CSMD3: variants seen among roughly 807,000 people sequenced by gnomAD.
The protein encoded by CSMD3 is CUB and Sushi multiple domains 3.
A neutral mutation model predicts 435.2 loss-of-function variants in CSMD3; 177 were observed. The observed-to-expected ratio is 0.41, with a 90% CI of 0.36 to 0.46. The LOEUF is 0.46. Among genes scored for constraint, CSMD3 ranks in the 20% least tolerant of loss-of-function variants. The probability of loss-of-function intolerance (pLI) is 0.34; values close to 1 mark genes in which losing one functional copy is unlikely to be tolerated. For synonymous variants in CSMD3, 1,656 were observed against 1,520.5 expected (o/e 1.09, Z -2.07); for missense variants, 4,265 against 4,504.6 (o/e 0.95, Z 1.52).
At chr8:112,518,690 T>C (rs933736825) in intron 27 of CSMD3, among the ~76,000 whole-genome samples, 1 of 151,602 alleles carries the variant, frequency 6.6e-6, no homozygotes, top group Non-Finnish European at 1.5e-5. Context: ...CTTGATTTGC[T>C]CTGGAATGGT....
chr8:113,051,581 T>C (rs371037322), intron 5 of CSMD3, among the ~76,000 whole-genome samples: 4 of 152,294 alleles, frequency 2.6e-5, no homozygotes, highest in African/African-American at 9.6e-5. Flanking sequence ...TACAAACAGA[T>C]ATTTGTTGAC....
intron 5 of CSMD3, among the ~76,000 whole-genome samples, chr8:113,024,919 C>T (rs916854602): frequency 1.3e-5 from 2 of 152,178 alleles, no homozygotes; most frequent in Non-Finnish European, 2.9e-5. Flanking sequence ...TCTATCATTC[C>T]ACGCTCTACC....
chr8:112,882,828 A>G (rs1273818167), intron 10 of CSMD3, among the ~76,000 whole-genome samples: 4 of 152,058 alleles, frequency 2.6e-5, no homozygotes, highest in African/African-American at 7.2e-5. Context: ...TGATGCCCAT[A>G]AACAGGTTAA....
chr8:112,866,110 G>C (rs2080974921), intron 10 of CSMD3, among the ~76,000 whole-genome samples: 1 of 152,146 alleles, frequency 6.6e-6, no homozygotes, highest in Non-Finnish European at 1.5e-5. Flanking sequence ...GGAACATTTT[G>C]TTGATGGTAT....
chr8:112,721,302 T>C (rs374938972), intron 13 of CSMD3, among the ~76,000 whole-genome samples: 23 of 152,196 alleles, frequency 1.5e-4, no homozygotes, highest in African/African-American at 5.5e-4. Context: ...TGGCCGGGCA[T>C]GGTGGCTCAT....
chr8:113,410,085 A>G lies in CSMD3; in HGVS notation c.178+26592T>C, dbSNP rs2094551189. ...CACAGATGATATTTTCTTCTAGTCC[A>G]TGTATGATAAATAAATTATCTCTCA... On this transcript the variant is annotated intron_variant, in intron 1 of 70. Transcript: ENST00000297405. Among the ~76,000 whole-genome samples the G allele has an allele frequency of 2.0e-5, 3 of 152,246 alleles. No homozygotes were observed. In the South Asian group the frequency reaches 6.2e-4, roughly 32 times the overall value.
chr8:112,489,473 C>T (rs1312078537), intron 31 of CSMD3, among the ~76,000 whole-genome samples: 1 of 152,004 alleles, frequency 6.6e-6, no homozygotes, highest in African/African-American at 2.4e-5. Context: ...TCAGCCAGTC[C>T]TGTGTATAAG....
chr8:112,355,929 C>A (rs536270073), intron 38 of CSMD3, among the ~76,000 whole-genome samples: 1 of 152,086 alleles, frequency 6.6e-6, no homozygotes, highest in African/African-American at 2.4e-5. Flanking sequence ...CAAACATGAA[C>A]AAATGCTCAA....
intron 9 of CSMD3, among the ~76,000 whole-genome samples, chr8:112,932,183 A>C (rs984152937): frequency 3.3e-5 from 5 of 152,228 alleles, no homozygotes; most frequent in African/African-American, 9.6e-5. Context: ...CTGAGATATG[A>C]AATCAATCTA....
At chr8:112,337,242 T>C (rs528422186) in intron 43 of CSMD3, among the ~76,000 whole-genome samples, 1 of 152,162 alleles carries the variant, frequency 6.6e-6, no homozygotes, top group Non-Finnish European at 1.5e-5. Flanking sequence ...TAGTGGTTTA[T>C]GTAAGAATGA....
intron 37 of CSMD3, 71 bp downstream of exon 37, chr8:112,383,492 TGTAG>T (rs1829660233): frequency 7.3e-6 from 6 of 818,764 alleles, no homozygotes; most frequent in Non-Finnish European, 1.1e-5. Flanking sequence ...AAGTAAGAGT[TGTAG>T]ATAGCTCTTT....
intron 1 of CSMD3, among the ~76,000 whole-genome samples, chr8:113,320,717 T>C (rs1437527028): frequency 6.6e-6 from 1 of 152,138 alleles, no homozygotes; most frequent in Non-Finnish European, 1.5e-5. Flanking sequence ...GTTTCCATGA[T>C]GATGCCCTGC....
intron 3 of CSMD3, among the ~76,000 whole-genome samples, chr8:113,265,129 T>C (rs914439765): frequency 1.3e-5 from 2 of 151,612 alleles, no homozygotes; most frequent in African/African-American, 4.8e-5. Flanking sequence ...CATTTTAATA[T>C]GCATGCTAGA....
In CSMD3 at chr8:112,295,911, C is replaced by G. The variant is rs2130715069; in HGVS notation, c.8536G>C (p.Gly2846Arg). ...ACTGAAGAACCAATCAATCGAAAAC[C>G]AGGATTACATTGATATACAACTGTG... ...RDTVVYQCNP[G>R]FRLIGSSVRI... Residue 2846 changes from glycine (G) to arginine (R), a missense_variant, in exon 54 of 71, where the codon GGT becomes CGT. Coordinates refer to ENST00000297405, the MANE Select transcript of CSMD3 (RefSeq NM_198123.2). 6.2e-7 allele frequency: 1 copy of G among 1,613,794 alleles called. No individual in the cohort carries two copies. Among genetic ancestry groups the G allele is most frequent in the Non-Finnish European group, 8.5e-7 (1 of 1,179,814 alleles).
At chr8:113,261,052 T>C (rs755047853) in intron 3 of CSMD3, among the ~76,000 whole-genome samples, 5 of 152,160 alleles carry the variant, frequency 3.3e-5, no homozygotes, top group Non-Finnish European at 7.3e-5. Flanking sequence ...CATGTGTCTT[T>C]ACAGTGGAAT....
At chr8:113,382,853 G>T (rs530966448) in intron 1 of CSMD3, among the ~76,000 whole-genome samples, 1 of 151,980 alleles carries the variant, frequency 6.6e-6, no homozygotes, top group African/African-American at 2.4e-5. Flanking sequence ...TGGTGGACCA[G>T]TCCTGTAATC....
chr8:113,358,856 G>A (rs1053857172), intron 1 of CSMD3, among the ~76,000 whole-genome samples: 11 of 151,722 alleles, frequency 7.3e-5, no homozygotes, highest in African/African-American at 2.7e-4. Flanking sequence ...AGTAGCTCTG[G>A]ATTCAATTTC....
chr8:112,594,468 C>A (rs1004780261), intron 22 of CSMD3, among the ~76,000 whole-genome samples: 1 of 152,308 alleles, frequency 6.6e-6, no homozygotes, highest in Non-Finnish European at 1.5e-5. Flanking sequence ...CCCAGGCTTG[C>A]TTAGGTAAAC....
rs1274285720 is a variant in CSMD3 at position 112,492,517 on chromosome 8, T to C, written c.5250A>G (p.Gly1750=). Reference sequence around the variant, plus strand: ...GACAACTTGGCAAGGCTCTATTCCATCCAGGTCTTCCATCATCTCCCATGA... The same window carrying C: ...GACAACTTGGCAAGGCTCTATTCCACCCAGGTCTTCCATCATCTCCCATGA... ...TCIMGDDGRP[G]WNRALPSCHA... The change falls in exon 31 of 71, where the codon GGA becomes GGG. Residue 1750 remains glycine, a synonymous_variant. Coordinates refer to ENST00000297405, the MANE Select transcript of CSMD3 (RefSeq NM_198123.2). 1 of 1,613,876 alleles carries C rather than the reference T, an allele frequency of 6.2e-7. No individual in the cohort carries two copies. The highest frequency in any genetic ancestry group is 8.5e-7 in the Non-Finnish European group (1 of 1,179,914).
Sources: allele counts gnomAD v4.1 joint callset (sites outside exome capture counted in the v4.1 genomes callset), GRCh38; gene constraint gnomAD v4.1.1; transcripts MANE v1.5; gene names NCBI Gene and HGNC (gene_info 2026-07-23, HGNC 2026-07-21).